SYN3: variants seen among roughly 807,000 people sequenced by gnomAD.
SYN3 encodes the protein synapsin III.
Under a neutral mutation model 65.8 loss-of-function variants are expected in SYN3, and 35 were observed. The ratio of observed to expected loss-of-function variants is 0.53; its 90% CI spans 0.41 to 0.70. The LOEUF (loss-of-function observed/expected upper bound fraction) is 0.70. SYN3 is among the 30% of genes least tolerant of loss of function. The pLI, the probability that SYN3 is intolerant of heterozygous loss-of-function variation, is 0.00. For missense variants in SYN3, 680 were observed against 749.0 expected, an observed-to-expected ratio of 0.91 and a Z score of 1.08; for synonymous variants, 270 against 292.9, an observed-to-expected ratio of 0.92 and a Z score of 0.80.
chr22:33,039,991 T>C (rs2145929663), intron 1 of SYN3, among the ~76,000 whole-genome samples: 1 of 152,140 alleles, frequency 6.6e-6, no homozygotes, highest in East Asian at 1.9e-4. Context: ...TCTTGTATTA[T>C]CACTGGTTTC....
intron 7 of SYN3, 58 bp downstream of exon 7, chr22:32,596,616 G>A: frequency 6.4e-7 from 1 of 1,571,234 alleles, no homozygotes; most frequent in Admixed American, 1.7e-5. Context: ...GAGAGGAACA[G>A]GTAGTCTGGG....
chr22:32,649,508 A>T (rs2060031283), intron 6 of SYN3, among the ~76,000 whole-genome samples: 1 of 152,186 alleles, frequency 6.6e-6, no homozygotes, highest in Admixed American at 6.5e-5. Flanking sequence ...TCCTGGTCCA[A>T]GATCACACAG....
chr22:32,931,090 T>A (rs557560924), intron 4 of SYN3: 79 of 249,504 alleles, frequency 3.2e-4, no homozygotes, highest in Non-Finnish European at 5.2e-4. Context: ...ATGCTGCAGA[T>A]GAGAAGTAGA....
chr22:32,987,201 G>A (rs2145690347), intron 2 of SYN3, among the ~76,000 whole-genome samples: 1 of 152,238 alleles, frequency 6.6e-6, no homozygotes, highest in East Asian at 1.9e-4. Context: ...TGGGGGTGGA[G>A]TGGAAATAGA....
intron 6 of SYN3, among the ~76,000 whole-genome samples, chr22:32,630,079 G>A (rs2059726226): frequency 6.6e-6 from 1 of 151,786 alleles, no homozygotes; most frequent in African/African-American, 2.4e-5. Context: ...GGCCTCCTGG[G>A]TTCAAGCAAT....
chr22:32,858,096 C>T lies in SYN3; in HGVS notation c.711+6819G>A, dbSNP rs372535191. 40 of 1,614,186 alleles carry T rather than the reference C, an allele frequency of 2.5e-5. No individual in the cohort carries two copies. The African/African-American group carries it at 3.6e-4, about 15-fold the overall frequency. ...GGGACCAGCTCACCCTCTCCCAGCG[C>T]AAGGGGCTGAACTATCGGTATCACC... is the stretch of plus-strand genomic sequence containing the variant. On this transcript the variant is annotated intron_variant, in intron 6 of 13. Transcript: ENST00000358763.
chr22:32,818,745 A>T lies in SYN3; in HGVS notation c.711+46170T>A, dbSNP rs549702739. On this transcript the variant is annotated intron_variant, in intron 6 of 13. Transcript: ENST00000358763. Reference sequence around the variant, plus strand: ...TGTCACTGTGGCCGGCCTAGGGGGAAAGTCTCAGGATAAAACTGCTTCCAC... The same window carrying T: ...TGTCACTGTGGCCGGCCTAGGGGGATAGTCTCAGGATAAAACTGCTTCCAC... Among the ~76,000 whole-genome samples, 15 of 152,220 alleles carry T rather than the reference A, an allele frequency of 9.9e-5. No individual in the cohort carries two copies. The East Asian group carries it at 2.9e-3, about 29-fold the overall frequency.
chr22:32,567,647 G>A (rs1205196784), intron 7 of SYN3, among the ~76,000 whole-genome samples: 1 of 152,078 alleles, frequency 6.6e-6, no homozygotes, highest in Non-Finnish European at 1.5e-5. Flanking sequence ...GGAGAGGGTG[G>A]CTACTTTGGA....
chr22:32,720,780 T>G (rs2061106830), intron 6 of SYN3, among the ~76,000 whole-genome samples: 1 of 152,178 alleles, frequency 6.6e-6, no homozygotes, highest in Non-Finnish European at 1.5e-5. Context: ...TATTAGGCAT[T>G]GCCTGACTTG....
intron 6 of SYN3, among the ~76,000 whole-genome samples, chr22:32,722,406 G>C (rs1980759172): frequency 6.6e-6 from 1 of 152,172 alleles, no homozygotes; most frequent in African/African-American, 2.4e-5. Flanking sequence ...CACATGGCTC[G>C]GATACAGGCT....
chr22:32,628,144 G>C (rs1451305077), intron 6 of SYN3, among the ~76,000 whole-genome samples: 2 of 152,038 alleles, frequency 1.3e-5, no homozygotes, highest in Non-Finnish European at 2.9e-5. Context: ...TTTTTACCAG[G>C]GGTCCAGGGA....
intron 6 of SYN3, among the ~76,000 whole-genome samples, chr22:32,688,963 C>G (rs1286298914): frequency 1.3e-5 from 2 of 152,164 alleles, no homozygotes; most frequent in East Asian, 3.9e-4. Flanking sequence ...GGGCAACCGA[C>G]CTAAGACCCC....
intron 4 of SYN3, among the ~76,000 whole-genome samples, chr22:32,904,115 C>T (rs2049837463): frequency 6.6e-6 from 1 of 152,226 alleles, no homozygotes. Context: ...ATAAATGAGA[C>T]TTGTTTAAAG....
intron 6 of SYN3, among the ~76,000 whole-genome samples, chr22:32,750,309 T>C (rs973689989): frequency 6.6e-6 from 1 of 152,150 alleles, no homozygotes; most frequent in Non-Finnish European, 1.5e-5. Flanking sequence ...CTGAACTAGG[T>C]GTGGGACGGA....
chr22:32,965,293 G>A (rs2051795282), intron 3 of SYN3, among the ~76,000 whole-genome samples: 1 of 152,176 alleles, frequency 6.6e-6, no homozygotes, highest in Non-Finnish European at 1.5e-5. Flanking sequence ...TGCTTTGTTT[G>A]TGTTGTTTAC....
At chr22:32,518,406 T>C (rs2057817684) in intron 12 of SYN3, 72 bp from the exon 13 acceptor site, 9 of 1,568,318 alleles carry the variant, frequency 5.7e-6, no homozygotes, top group African/African-American at 1.3e-5. Context: ...ACACAAATAA[T>C]GTTGCTTCAA....
chr22:32,931,117 A>G, intron 4 of SYN3: 1 of 340,780 alleles, frequency 2.9e-6, no homozygotes, highest in South Asian at 4.4e-5. Flanking sequence ...AAGGGACTAA[A>G]TAATATGCCA....
At chr22:32,610,569 T>TGTTTG (rs1330233877) in intron 6 of SYN3, among the ~76,000 whole-genome samples, 3 of 21,900 alleles carry the variant, frequency 1.4e-4, no homozygotes, top group African/African-American at 1.3e-3. Context: ...TGTGTGTTTT[T>TGTTTG]GTTTTGTTTT....
chr22:32,879,074 T>TAC (rs372249447), intron 4 of SYN3, among the ~76,000 whole-genome samples: 1,604 of 151,050 alleles, frequency 0.011, 60 homozygotes, highest in Admixed American at 0.076. Flanking sequence ...GACACACACA[T>TAC]ACACACACAC....
Sources: allele counts gnomAD v4.1 joint callset (sites outside exome capture counted in the v4.1 genomes callset), GRCh38; gene constraint gnomAD v4.1.1; transcripts MANE v1.5; gene names NCBI Gene and HGNC (gene_info 2026-07-23, HGNC 2026-07-21).